The following NTRK1 variants were observed in gnomAD, a reference collection of about 807,000 sequenced individuals.
NTRK1 encodes the protein neurotrophic receptor tyrosine kinase 1.
In NTRK1, 62 loss-of-function variants were observed where a neutral mutation model predicts 86.8. The observed-to-expected ratio is 0.71, with a 90% CI of 0.58 to 0.88. The LOEUF (loss-of-function observed/expected upper bound fraction) is 0.88, where lower values mean the gene tolerates loss of function less well. Ranked by LOEUF, NTRK1 falls within the 40% of genes least tolerant of loss-of-function variation. The pLI is 0.00. For synonymous variants in NTRK1, 469 were observed against 456.6 expected (o/e 1.03, Z -0.35); for missense variants, 967 against 1,078.4 (o/e 0.90, Z 1.45).
chr1:156,841,013 G>A (rs1224524582), intron 1 of NTRK1: 1 of 1,609,614 alleles, frequency 6.2e-7, no homozygotes, highest in Non-Finnish European at 8.5e-7. Context: ...CGGAAGGAGG[G>A]CCGCAGCTCC....
In NTRK1 at chr1:156,854,323, G is replaced by A. The variant is rs749125836; in HGVS notation, c.51-10031G>A. The A allele has an allele frequency of 1.6e-5, 25 of 1,588,454 alleles. No homozygotes were observed. The highest frequency in any genetic ancestry group is 1.7e-4 in the Middle Eastern group (1 of 5,812). On this transcript the variant is annotated intron_variant, in intron 2 of 16. Transcript: ENST00000392302. The surrounding 1 kb of genome is among the most constrained non-coding windows in gnomAD (Gnocchi z 4.2). ...GGCACACTGTGGGCATACACGGCAC[G>A]CAGCATTGAGTACAGCCCAGGCCAA...
chr1:156,877,631 G>A (rs923531999), intron 14 of NTRK1, among the ~76,000 whole-genome samples: 2 of 152,258 alleles, frequency 1.3e-5, no homozygotes, highest in African/African-American at 4.8e-5. Flanking sequence ...TGCCACTTAT[G>A]AGCTGAGCCT....
intron 1 of NTRK1, among the ~76,000 whole-genome samples, chr1:156,863,939 G>A (rs773150838): frequency 6.6e-6 from 1 of 152,138 alleles, no homozygotes; most frequent in Non-Finnish European, 1.5e-5. Flanking sequence ...AGATGGACGT[G>A]AGCTTTGTTT....
In NTRK1 at chr1:156,881,309, A is replaced by T. The variant is rs1648243318; in HGVS notation, c.2206-148A>T. The T allele has an allele frequency of 7.2e-6, 5 of 689,690 alleles. No individual in the cohort carries two copies. The East Asian group carries it at 1.5e-4, about 20-fold the overall frequency. The allele number at this position is 689,690 out of a possible 1,614,324, so 42.7% of individuals were successfully genotyped here. ...AGAGCAGAAATGAATCCTGGGGTTG[A>T]CTGTGTCCATTCGGGTTATTAGCAG... On this transcript the variant is annotated intron_variant, in intron 16 of 16. Coordinates refer to ENST00000524377, the MANE Select transcript of NTRK1 (RefSeq NM_002529.4).
intron 2 of NTRK1, chr1:156,843,578 T>G: frequency 8.1e-7 from 1 of 1,236,190 alleles, no homozygotes; most frequent in Non-Finnish European, 1.2e-6. Context: ...GGAGGGAAGT[T>G]ACTGACCACA....
At chr1:156,864,151 G>A (rs971386872) in intron 1 of NTRK1, among the ~76,000 whole-genome samples, 1 of 152,162 alleles carries the variant, frequency 6.6e-6, no homozygotes, top group Non-Finnish European at 1.5e-5. Flanking sequence ...GCACACACAT[G>A]TGCATGTGTG....
At chr1:156,864,140 T>G (rs891188867) in intron 1 of NTRK1, among the ~76,000 whole-genome samples, 6 of 152,164 alleles carry the variant, frequency 3.9e-5, no homozygotes, top group African/African-American at 1.4e-4. Context: ...TGTGTGTTCA[T>G]GCACACACAT....
At chr1:156,855,530 C>T (rs967116308) in intron 2 of NTRK1, among the ~76,000 whole-genome samples, 3 of 150,810 alleles carry the variant, frequency 2.0e-5, no homozygotes, top group Admixed American at 6.6e-5. Flanking sequence ...AAATTGACTT[C>T]TATTTTCACT....
rs570304507 is a variant in NTRK1, at chr1:156,871,320, C to T, written c.718-303C>T. 4.6e-5 allele frequency among the ~76,000 whole-genome samples: 7 copies of T among 152,066 alleles called. No homozygotes were observed. The East Asian group carries it at 7.7e-4, about 17-fold the overall frequency. On this transcript the variant is annotated intron_variant, in intron 6 of 16. Transcript: ENST00000524377. The stretch of plus-strand genomic sequence containing the variant: ...CTGTAATCCCAATACTTTGGGAGGC[C>T]GAGGTGAGAGGATTGCTTGAGGCCC...
chr1:156,853,420 G>C (rs1289669346), intron 2 of NTRK1, among the ~76,000 whole-genome samples: 2 of 152,170 alleles, frequency 1.3e-5, no homozygotes, highest in Non-Finnish European at 2.9e-5. Flanking sequence ...CTTGAACCCA[G>C]GTCCTCTGGC....
intron 4 of NTRK1, 36 bp downstream of exon 4, chr1:156,867,014 G>T: frequency 6.2e-7 from 1 of 1,600,002 alleles, no homozygotes; most frequent in Non-Finnish European, 8.6e-7. Context: ...AGAGCACCAA[G>T]TGTGTGTGTG....
intron 8 of NTRK1, 61 bp from the exon 9 acceptor site, chr1:156,874,322 C>T (rs2102908494): frequency 6.2e-7 from 1 of 1,610,574 alleles, no homozygotes; most frequent in South Asian, 1.1e-5. Context: ...CTGCTTTCCT[C>T]CTCCCTCTGA....
chr1:156,875,359 G>A (rs1454899253), intron 11 of NTRK1, among the ~76,000 whole-genome samples, 161 bp from the exon 12 acceptor site: 5 of 152,082 alleles, frequency 3.3e-5, no homozygotes, highest in African/African-American at 4.8e-5. Flanking sequence ...CACAGGGAGA[G>A]GCGGTGGTGC....
At chr1:156,818,995 CTG>C (rs142975760) in intron 1 of NTRK1, among the ~76,000 whole-genome samples, 15 of 150,828 alleles carry the variant, frequency 9.9e-5, no homozygotes, top group South Asian at 2.1e-4. Flanking sequence ...ATTTGTGTGT[CTG>C]TGTGTGTGTG....
rs546185764 is a variant in NTRK1, at chr1:156,829,609, C to T, written c.-63-12472C>T. Among the ~76,000 whole-genome samples the T allele has an allele frequency of 1.1e-4, 17 of 152,228 alleles. No individual in the cohort carries two copies. The East Asian group carries it at 2.9e-3, about 26-fold the overall frequency. Reference sequence around the variant, plus strand: ...TGACACTATAAGGAGGAGGACTGCTCGCGCTCAAGTATCCACCCCCCAGAC... The same window carrying T: ...TGACACTATAAGGAGGAGGACTGCTTGCGCTCAAGTATCCACCCCCCAGAC... On this transcript the variant is annotated intron_variant, in intron 1 of 16. Transcript: ENST00000392302.
intron 1 of NTRK1, among the ~76,000 whole-genome samples, chr1:156,821,302 G>A (rs1654182400): frequency 1.3e-5 from 2 of 152,290 alleles, no homozygotes; most frequent in South Asian, 2.1e-4. Context: ...TTGACATCCA[G>A]TTTGATTTCC....
intron 1 of NTRK1, among the ~76,000 whole-genome samples, chr1:156,828,672 C>T (rs187512470): frequency 3.4e-4 from 52 of 152,348 alleles, no homozygotes; most frequent in African/African-American, 7.2e-4. Flanking sequence ...CTTCAGTATA[C>T]GGGTGACTGT....
At chr1:156,829,316 A>C (rs1264823932) in intron 1 of NTRK1, among the ~76,000 whole-genome samples, 1 of 152,182 alleles carries the variant, frequency 6.6e-6, no homozygotes, top group East Asian at 1.9e-4. Flanking sequence ...CACACAGCAC[A>C]GCCACAGAAC....
intron 2 of NTRK1, chr1:156,845,047 G>T (rs1654940391): frequency 1.8e-5 from 29 of 1,584,488 alleles, no homozygotes; most frequent in Non-Finnish European, 2.5e-5. Context: ...CGGTGATGGG[G>T]GTAGAAGGTG....
Sources: gnomAD v4.1 joint callset for allele counts (sites outside exome capture counted in the v4.1 genomes callset) on GRCh38, gnomAD v4.1.1 for gene constraint, Gnocchi (gnomAD v3.1) non-coding constraint, MANE v1.5 for transcripts, NCBI Gene and HGNC (gene_info 2026-07-23, HGNC 2026-07-21) for gene names.